HMGXB4: variants seen among roughly 807,000 people sequenced by gnomAD.
HMGXB4 encodes the protein HMG domain-containing protein 4.
Under a neutral mutation model 63.9 loss-of-function variants are expected in HMGXB4, and 27 were observed. The observed-to-expected ratio is 0.42, with a 90% CI of 0.31 to 0.58. The LOEUF (loss-of-function observed/expected upper bound fraction) is 0.58, where lower values mean the gene tolerates loss of function less well. HMGXB4 is among the 20% of genes least tolerant of loss of function. The pLI, the probability that HMGXB4 is intolerant of heterozygous loss-of-function variation, is 0.13. For synonymous variants in HMGXB4, 264 were observed against 265.3 expected (o/e 0.99, Z 0.05); for missense variants, 624 against 700.7 (o/e 0.89, Z 1.24).
the HMGXB4 span, among the ~76,000 whole-genome samples, chr22:35,246,400 G>A: frequency 7.0e-6 from 1 of 142,902 alleles, no homozygotes; most frequent in Non-Finnish European, 1.5e-5. Context: ...TCAGCCTCCT[G>A]AGTAGCTGGC....
In HMGXB4 at chr22:35,287,238, C is replaced by T. The variant is rs1010338812; in HGVS notation, c.1363-109C>T. 11 of 815,622 alleles carry T rather than the reference C, an allele frequency of 1.3e-5. No individual in the cohort carries two copies. In the East Asian group the frequency reaches 1.4e-4, roughly 10 times the overall value. The allele number at this position is 815,622 out of a possible 1,614,324, so 50.5% of individuals were successfully genotyped here. On this transcript the variant is annotated intron_variant, in intron 7 of 10. Transcript: ENST00000216106. ...AGTTAGCATTAACCCTCTGTCTGCC[C>T]GCCTCTTACTATTGCCTTTCTTTTC...
At chr22:35,244,761 G>A in the HMGXB4 span, among the ~76,000 whole-genome samples, 1 of 152,102 alleles carries the variant, frequency 6.6e-6, no homozygotes, top group Non-Finnish European at 1.5e-5. Context: ...GTCCCGTTCC[G>A]GCCAATGGAA....
upstream of HMGXB4, among the ~76,000 whole-genome samples, chr22:35,252,640 T>G (rs763077125): frequency 2.0e-5 from 3 of 152,262 alleles, no homozygotes; most frequent in Non-Finnish European, 4.4e-5. Context: ...AATAGGAGCT[T>G]TCTAGCTGCA....
intron 5 of HMGXB4, among the ~76,000 whole-genome samples, chr22:35,267,654 C>T (rs957833206): frequency 7.3e-5 from 11 of 150,490 alleles, no homozygotes; most frequent in East Asian, 3.8e-4. Flanking sequence ...CCCAGTATCC[C>T]GCCAGTCAAC....
chr22:35,272,122 T>C (rs902016214), intron 5 of HMGXB4, among the ~76,000 whole-genome samples: 2 of 152,176 alleles, frequency 1.3e-5, no homozygotes, highest in African/African-American at 4.8e-5. Context: ...GAGCAGAATT[T>C]TGTAGAACAC....
intron 5 of HMGXB4, among the ~76,000 whole-genome samples, chr22:35,279,789 C>T (rs1049718875): frequency 7.0e-6 from 1 of 142,344 alleles, no homozygotes; most frequent in Non-Finnish European, 1.5e-5. Flanking sequence ...GTCAAAGATT[C>T]GTTGACTTTA....
intron 1 of HMGXB4, among the ~76,000 whole-genome samples, chr22:35,260,913 G>T (rs1224268521): frequency 6.6e-6 from 1 of 152,108 alleles, no homozygotes; most frequent in Non-Finnish European, 1.5e-5. Context: ...CCATGCTTCA[G>T]TATTGTCCAC....
At chr22:35,257,909 G>A (rs961226492) in intron 1 of HMGXB4, among the ~76,000 whole-genome samples, 4 of 152,084 alleles carry the variant, frequency 2.6e-5, no homozygotes, top group African/African-American at 7.2e-5. Flanking sequence ...GCGCCGTGAG[G>A]CCGCCGGAGA....
At chr22:35,263,915 C>G in intron 4 of HMGXB4, 41 bp downstream of exon 4, 1 of 1,600,966 alleles carries the variant, frequency 6.2e-7, no homozygotes. Context: ...AAACACATCG[C>G]TGGTTCTTGG....
chr22:35,264,041 G>C (rs1341898369), intron 4 of HMGXB4, 167 bp downstream of exon 4: 1 of 1,548,140 alleles, frequency 6.5e-7, no homozygotes. Flanking sequence ...GAGGTGGAGG[G>C]CTGGTATTTT....
rs1925084041 is a variant in HMGXB4 at position 35,293,917 on chromosome 22, G to A, written c.*266G>A. 1 of 233,834 alleles carries A rather than the reference G, an allele frequency of 4.3e-6. No individual in the cohort carries two copies. The highest frequency in any genetic ancestry group is 8.1e-6 in the Non-Finnish European group (1 of 123,416). The allele number at this position is 233,834 out of a possible 1,614,324, so 14.5% of individuals were successfully genotyped here. On this transcript the variant is annotated 3_prime_UTR_variant, in exon 11 of 11. Transcript: ENST00000216106. The stretch of plus-strand genomic sequence containing the variant: ...TTGGGATTCTTTTTTCTCCTGTGGT[G>A]GATAAATCTGCCTTAAAAATCAATG...
chr22:35,262,349 C>A lies in HMGXB4; in HGVS notation c.-42C>A, dbSNP rs989401950. The A allele has an allele frequency of 6.2e-7, 1 of 1,606,290 alleles. No homozygotes were observed. The highest frequency in any genetic ancestry group is 1.1e-5 in the South Asian group (1 of 90,886). On this transcript the variant is annotated 5_prime_UTR_variant, in exon 2 of 11. In the 5' UTR this introduces an upstream ATG that the reference lacks. Coordinates refer to ENST00000216106, the MANE Select transcript of HMGXB4 (RefSeq NM_001003681.3). Reference sequence around the variant, plus strand: ...CCTGGTCCTGTAGACGGGAAGGAGCCTGGACACAGTGACACATTCTCAAAG... The same window carrying A: ...CCTGGTCCTGTAGACGGGAAGGAGCATGGACACAGTGACACATTCTCAAAG...
At position 35,262,432 on chromosome 22, in the gene HMGXB4, A is replaced by G. The variant is rs748440787; in HGVS notation, c.31+11A>G. ...CCGTGAAGAAAGAAGGTATGACCCCATAATCTGAGAAGCATTCCAAAGGGG... is the reference window on the plus strand; with the variant it reads ...CCGTGAAGAAAGAAGGTATGACCCCGTAATCTGAGAAGCATTCCAAAGGGG... On this transcript the variant is annotated intron_variant, in intron 2 of 10. Transcript: ENST00000216106. 13 of 1,612,908 alleles carry G rather than the reference A, an allele frequency of 8.1e-6. No homozygotes were observed. The highest frequency in any genetic ancestry group is 2.2e-5 in the South Asian group (2 of 91,048).
At chr22:35,275,648 G>A (rs1039884016) in intron 5 of HMGXB4, among the ~76,000 whole-genome samples, 1 of 152,138 alleles carries the variant, frequency 6.6e-6, no homozygotes, top group African/African-American at 2.4e-5. Context: ...GGAGGCCAAG[G>A]CAGGAGGATC....
At chr22:35,286,196 C>A in intron 7 of HMGXB4, 135 bp downstream of exon 7, 2 of 656,608 alleles carry the variant, frequency 3.0e-6, no homozygotes, top group African/African-American at 1.8e-5. Flanking sequence ...AATGGTTTAG[C>A]AGAGGACATT....
chr22:35,267,484 G>C (rs2146408884), intron 5 of HMGXB4, among the ~76,000 whole-genome samples: 1 of 152,294 alleles, frequency 6.6e-6, no homozygotes, highest in East Asian at 1.9e-4. Flanking sequence ...GTGGACGCAT[G>C]GAGGCAGAGA....
chr22:35,291,924 G>A (rs989763863), intron 9 of HMGXB4, among the ~76,000 whole-genome samples: 2 of 152,192 alleles, frequency 1.3e-5, no homozygotes, highest in Admixed American at 6.5e-5. Context: ...TGTTGACAAG[G>A]AGGATGAGGG....
intron 1 of HMGXB4, among the ~76,000 whole-genome samples, chr22:35,261,552 AAAT>A (rs1922858762): frequency 6.6e-6 from 1 of 152,212 alleles, no homozygotes; most frequent in Non-Finnish European, 1.5e-5. Flanking sequence ...ATTCAATAAA[AAAT>A]ACAATATCTA....
At chr22:35,280,919 A>G (rs770969016) in intron 5 of HMGXB4, among the ~76,000 whole-genome samples, 15 of 152,182 alleles carry the variant, frequency 9.9e-5, no homozygotes, top group Non-Finnish European at 1.3e-4. Context: ...CTCCTACTAC[A>G]TGTTCCCATA....
Sources: gnomAD v4.1 joint callset for allele counts (sites outside exome capture counted in the v4.1 genomes callset) on GRCh38, gnomAD v4.1.1 for gene constraint, MANE v1.5 for transcripts, NCBI Gene and HGNC (gene_info 2026-07-23, HGNC 2026-07-21) for gene names.